The following PLEC variants were observed in gnomAD, a reference collection of about 807,000 sequenced individuals.
PLEC encodes the protein plectin.
PLEC carries 216 observed loss-of-function variants against 392.8 expected under a neutral mutation model. That is an observed-to-expected ratio of 0.55 (90% CI 0.49 to 0.62). The LOEUF (loss-of-function observed/expected upper bound fraction) is 0.62. Ranked by LOEUF, PLEC falls within the 20% of genes least tolerant of loss-of-function variation. PLEC has a pLI of 0.00. For synonymous variants in PLEC, 3,621 were observed against 2,980.6 expected (o/e 1.21, Z -7.00); for missense variants, 6,863 against 6,563.4 (o/e 1.05, Z -1.58).
chr8:143,927,911 C>T lies in PLEC; in HGVS notation c.3342G>A (p.Glu1114=). 1.3e-6 allele frequency: 2 copies of T among 1,598,884 alleles called. No individual in the cohort carries two copies. Among genetic ancestry groups the T allele is most frequent in the Non-Finnish European group, 1.7e-6 (2 of 1,173,714 alleles). ...GGAGGGTGGCCGGCACGGCCTGGGC[C>T]TCCTTGAGCTGCTCCTCGTGGGCCC... ...VLRAHEEQLK[E]AQAVPATLPE... is the part of the protein sequence containing the mutation. Residue 1114 remains glutamate, a synonymous_variant, in exon 26 of 32, where the codon GAG becomes GAA. Coordinates refer to ENST00000345136, the MANE Select transcript of PLEC (RefSeq NM_201384.3).
intron 1 of PLEC, among the ~76,000 whole-genome samples, chr8:143,964,809 C>T (rs1288638918): frequency 3.9e-5 from 6 of 152,126 alleles, no homozygotes; most frequent in Admixed American, 3.9e-4. Flanking sequence ...CAGGTAGCCA[C>T]TCGTTTAGCA....
chr8:143,964,235 G>A (rs1160761712), intron 1 of PLEC, among the ~76,000 whole-genome samples: 2 of 152,222 alleles, frequency 1.3e-5, no homozygotes, highest in Non-Finnish European at 2.9e-5. Context: ...ACAGACTGTA[G>A]TGGGTTGAAT....
chr8:143,923,261 C>T lies in PLEC; in HGVS notation c.6668G>A (p.Arg2223His), dbSNP rs565225660. 38 of 1,606,066 alleles carry T rather than the reference C, an allele frequency of 2.4e-5. No homozygotes were observed. The highest frequency in any genetic ancestry group is 1.1e-4 in the African/African-American group (8 of 75,002). ...GAAGAGCTCCTCCTCCACCTGGCTG[C>T]GCTGGCGTGCGGCCTCCGTGGCCTC... ...KAEATEAARQ[R>H]SQVEEELFSV... The change falls in exon 31 of 32, where the codon CGC becomes CAC. Residue 2223 changes from arginine (R) to histidine (H), a missense_variant. Transcript: ENST00000345136.
At position 143,931,521 on chromosome 8, in the gene PLEC, C is replaced by A; in HGVS notation, c.2304+13G>T. 1 of 1,496,724 alleles carries A rather than the reference C, an allele frequency of 6.7e-7. No individual in the cohort carries two copies. Among genetic ancestry groups the A allele is most frequent in the Non-Finnish European group, 8.9e-7 (1 of 1,120,058 alleles). The allele number at this position is 1,496,724 out of a possible 1,614,324, so 92.7% of individuals were successfully genotyped here. A position where few individuals can be genotyped will look rare whatever the true frequency, so the allele number is the denominator to read the frequency against. ...GCCCCTCCTGACACGCCCCTGCACA[C>A]CCCCTCCCTCACCTGGGCATCCTGC... On this transcript the variant is annotated intron_variant, in intron 19 of 31. Transcript: ENST00000345136.
upstream of PLEC, among the ~76,000 whole-genome samples, chr8:143,954,554 C>T (rs1464060995): frequency 2.0e-5 from 3 of 152,216 alleles, no homozygotes; most frequent in Admixed American, 6.5e-5. This position sits in a 1 kb window ranked among gnomAD's most constrained non-coding sequence, Gnocchi z 4.6. Flanking sequence ...CCCTCACCCA[C>T]CCCCCACGAC....
At chr8:143,943,752 T>G, upstream of PLEC, 1 of 1,604,818 alleles carries the variant, frequency 6.2e-7, no homozygotes, top group Non-Finnish European at 8.5e-7. Flanking sequence ...CCGCCTCGAG[T>G]CCCTGGCAGC....
intron 1 of PLEC, among the ~76,000 whole-genome samples, chr8:143,966,579 A>T (rs1038704019): frequency 6.6e-6 from 1 of 151,968 alleles, no homozygotes; most frequent in Non-Finnish European, 1.5e-5. Flanking sequence ...AGCCAGCTCC[A>T]AGTCCACCTA....
rs781938939 is a variant in PLEC, at chr8:143,920,289, C to G, written c.9532G>C (p.Ala3178Pro). 14 of 1,591,524 alleles carry G rather than the reference C, an allele frequency of 8.8e-6. No individual in the cohort carries two copies. In the African/African-American group the frequency reaches 1.9e-4, roughly 21 times the overall value. ...GTGCTGGGGTCACTGTAGGCCTTGG[C>G]GTCGGCCCTTGGTGCCGACAGGGCC... The part of the protein sequence containing the change: ...SRALSAPRAD[A>P]KAYSDPSTGE... Residue 3178 changes from alanine to proline, a missense_variant, in exon 32 of 32, where the codon GCC becomes CCC. Transcript: ENST00000345136.
intron 3 of PLEC, 136 bp from the exon 4 acceptor site, chr8:143,937,378 C>T (rs1829335959): frequency 5.7e-6 from 4 of 703,292 alleles, no homozygotes; most frequent in South Asian, 3.2e-5. Flanking sequence ...CAGGTTCACC[C>T]TCCCCCGCAG....
rs1554676012 is a variant in PLEC at position 143,918,707 on chromosome 8, C to T, written c.11114G>A (p.Ser3705Asn). 1.2e-6 allele frequency: 2 copies of T among 1,612,862 alleles called. No individual in the cohort carries two copies. The highest frequency in any genetic ancestry group is 2.2e-5 in the East Asian group (1 of 44,870). The change falls in exon 32 of 32, where the codon AGC becomes AAC. Residue 3705 changes from serine to asparagine, a missense_variant. Ser to Asn is a conservative substitution (Grantham distance 46, BLOSUM62 1). Coordinates refer to ENST00000345136, the MANE Select transcript of PLEC (RefSeq NM_201384.3). ...VYLPGSRQTL[S>N]IYQALKKGLL... ...CCCTTTCTTGAGAGCCTGGTAGATG[C>T]TCAGTGTCTGCCTGGAACCGGGCAG... is the stretch of plus-strand genomic sequence containing the variant.
At position 143,919,825 on chromosome 8, in the gene PLEC, C is replaced by T; in HGVS notation, c.9996G>A (p.Lys3332=). 6.2e-7 allele frequency: 1 copy of T among 1,613,120 alleles called. No homozygotes were observed. The highest frequency in any genetic ancestry group is 8.5e-7 in the Non-Finnish European group (1 of 1,180,032). Residue 3332 remains lysine, a synonymous_variant, in exon 32 of 32, where the codon AAG becomes AAA. Coordinates refer to ENST00000345136, the MANE Select transcript of PLEC (RefSeq NM_201384.3). ...GGTCCTTGACCGTCGTCTTGCCGTC[C>T]TTGAGCTGCTCAAACTGGGCTCTGC... ...VLSRAQFEQL[K]DGKTTVKDLS...
At chr8:143,944,090 G>A, upstream of PLEC, 1 of 719,364 alleles carries the variant, frequency 1.4e-6, no homozygotes, top group South Asian at 1.9e-5. Flanking sequence ...CCCTCCGCGG[G>A]TCCGGCCCTC....
upstream of PLEC, chr8:143,975,043 G>A (rs1554745528): frequency 2.0e-6 from 2 of 1,008,102 alleles, no homozygotes; most frequent in African/African-American, 1.6e-5. The surrounding 1 kb of genome is among the most constrained non-coding windows in gnomAD (Gnocchi z 9.9). Flanking sequence ...CCTGGGACGC[G>A]CGAGGCCCTC....
chr8:143,918,655 C>T lies in PLEC; in HGVS notation c.11166G>A (p.Leu3722=). ...KGLLSAEVAR[L]LLEAQAATGF... ...CTGTGGCTGCCTGTGCCTCCAGCAG[C>T]AGGCGGGCCACCTCGGCACTCAGCA... The change falls in exon 32 of 32, where the codon CTG becomes CTA. Residue 3722 remains leucine (L), a synonymous_variant. Coordinates refer to ENST00000345136, the MANE Select transcript of PLEC (RefSeq NM_201384.3). The T allele has an allele frequency of 1.2e-6, 2 of 1,612,936 alleles. No homozygotes were observed. The highest frequency in any genetic ancestry group is 1.7e-6 in the Non-Finnish European group (2 of 1,180,024).
rs1457370130 is a variant in PLEC at position 143,950,182 on chromosome 8, A to G, written c.523+2T>C. 1.1e-5 allele frequency: 16 copies of G among 1,514,476 alleles called. No individual in the cohort carries two copies. The highest frequency in any genetic ancestry group is 1.4e-5 in the Non-Finnish European group (16 of 1,127,304). 93.8% of individuals were successfully genotyped at this position (1,514,476 alleles called of 1,614,324 possible). A position where few individuals can be genotyped will look rare whatever the true frequency, so the allele number is the denominator to read the frequency against. ...ATGACTTGGGGTCAGGGTGCAGCTG[A>G]CCTGTGGCTGGGGCAGGCTCCGGGC... On this transcript the variant is annotated splice_donor_variant, in intron 1 of 31. Transcript: ENST00000322810. LOFTEE classifies it high-confidence loss of function.
At chr8:143,953,711 G>T (rs782585895), upstream of PLEC, 36 of 1,609,514 alleles carry the variant, frequency 2.2e-5, no homozygotes, top group Non-Finnish European at 2.9e-5. Context: ...CTCGGGCCCG[G>T]CCCCAGGACC....
intron 6 of PLEC, 120 bp from the exon 7 acceptor site, chr8:143,935,433 C>T: frequency 4.0e-6 from 3 of 740,784 alleles, no homozygotes; most frequent in Non-Finnish European, 7.1e-6. Context: ...CCAACACTCA[C>T]CCTGAAAAAT....
chr8:143,951,200 T>C (rs1209180539), upstream of PLEC, among the ~76,000 whole-genome samples: 2 of 148,814 alleles, frequency 1.3e-5, no homozygotes, highest in Non-Finnish European at 3.0e-5. Flanking sequence ...AAGAAGAGGG[T>C]GGCAGGGCAG....
rs1554696246 is a variant in PLEC, at chr8:143,924,212, A to G, written c.5717T>C (p.Leu1906Pro). The change falls in exon 31 of 32, where the codon CTG becomes CCG. Residue 1906 changes from leucine (L) to proline (P), a missense_variant. Leu to Pro is a moderately conservative substitution (Grantham distance 98, BLOSUM62 -3). Coordinates refer to ENST00000345136, the MANE Select transcript of PLEC (RefSeq NM_201384.3). ...CTCCACCAGCCCCTTCTGCCGCTCC[A>G]GCTCGCTGTCCGATGCCTTGCGCAG... is the stretch of plus-strand genomic sequence containing the variant. Reference protein sequence around the residue: ...AQLRKASDSELERQKGLVEDT... With the variant: ...AQLRKASDSEPERQKGLVEDT... The G allele has an allele frequency of 1.3e-6, 2 of 1,598,328 alleles. No individual in the cohort carries two copies. The highest frequency in any genetic ancestry group is 2.2e-5 in the East Asian group (1 of 44,764).
Sources: gnomAD v4.1 joint callset for allele counts (sites outside exome capture counted in the v4.1 genomes callset) on GRCh38, gnomAD v4.1.1 for gene constraint, Gnocchi (gnomAD v3.1) non-coding constraint, MANE v1.5 for transcripts, NCBI Gene and HGNC (gene_info 2026-07-23, HGNC 2026-07-21) for gene names.